The following REV3L variants were observed in gnomAD, a reference collection of about 807,000 sequenced individuals.
REV3L encodes DNA polymerase zeta catalytic subunit.
In REV3L, 69 loss-of-function variants were observed where a neutral mutation model predicts 299.4. The ratio of observed to expected loss-of-function variants is 0.23; its 90% CI spans 0.19 to 0.28. REV3L has a LOEUF of 0.28. REV3L is among the 10% of genes least tolerant of loss of function. The probability of loss-of-function intolerance (pLI) is 1.00; values close to 1 mark genes in which losing one functional copy is unlikely to be tolerated. For missense variants in REV3L, 3,128 were observed against 3,693.8 expected, an observed-to-expected ratio of 0.85 and a Z score of 3.97; for synonymous variants, 1,238 against 1,271.4, an observed-to-expected ratio of 0.97 and a Z score of 0.56.
At chr6:111,479,440 A>G (rs1454193639) in intron 1 of REV3L, among the ~76,000 whole-genome samples, 1 of 152,042 alleles carries the variant, frequency 6.6e-6, no homozygotes, top group Non-Finnish European at 1.5e-5. Context: ...CTTAGGAATC[A>G]ATATCCTCAG....
chr6:111,307,780 TAATATTA>T (rs1420181694), intron 30 of REV3L: 5 of 555,394 alleles, frequency 9.0e-6, no homozygotes, highest in Non-Finnish European at 1.6e-5. Flanking sequence ...ACTTACATCT[TAATATTA>T]TCAGATACAT....
At chr6:111,307,730 C>T (rs1244829940) in intron 30 of REV3L, 160 bp from the exon 31 acceptor site, 3 of 628,974 alleles carry the variant, frequency 4.8e-6, no homozygotes, top group African/African-American at 3.7e-5. Flanking sequence ...GTTCCAGACA[C>T]TGGAGCTACA....
At chr6:111,300,183 A>ATAAT (rs754585997) in intron 31 of REV3L, 27 bp from the exon 32 acceptor site, 14 of 1,428,286 alleles carry the variant, frequency 9.8e-6, no homozygotes, top group South Asian at 2.6e-5. Flanking sequence ...AATACAAAAA[A>ATAAT]TAATAGGAAA....
intron 11 of REV3L, among the ~76,000 whole-genome samples, chr6:111,379,157 C>A (rs1178546962): frequency 6.6e-6 from 1 of 152,190 alleles, no homozygotes; most frequent in Non-Finnish European, 1.5e-5. Flanking sequence ...CCTATTATTA[C>A]AGCAGTGACA....
chr6:111,340,885 T>G (rs1372537343), intron 21 of REV3L, among the ~76,000 whole-genome samples: 1 of 151,936 alleles, frequency 6.6e-6, no homozygotes, highest in African/African-American at 2.4e-5. Flanking sequence ...CTATTTTACT[T>G]GTCAAAAACA....
intron 31 of REV3L, among the ~76,000 whole-genome samples, chr6:111,303,105 G>A (rs1771767104): frequency 6.8e-6 from 1 of 146,038 alleles, no homozygotes; most frequent in African/African-American, 2.5e-5. Context: ...TTATAGCATT[G>A]TATTACATTC....
intron 1 of REV3L, among the ~76,000 whole-genome samples, chr6:111,429,886 G>C (rs17510520): frequency 0.056 from 8,518 of 152,176 alleles, 274 homozygotes; most frequent in Middle Eastern, 0.085. Context: ...ATGTAGAGAA[G>C]CCCTTGAAGC....
chr6:111,348,910 C>G (rs978942398), intron 20 of REV3L: 2 of 169,110 alleles, frequency 1.2e-5, no homozygotes, highest in African/African-American at 4.8e-5. Flanking sequence ...CTGCCTGGGC[C>G]TCCCAAAGTG....
At position 111,444,308 on chromosome 6, in the gene REV3L, A is replaced by G. The variant is rs17510513; in HGVS notation, c.140-27836T>C. On this transcript the variant is annotated intron_variant, in intron 1 of 31. Transcript: ENST00000368802. ...AATCAATCCAGATAGATTCAAATCC[A>G]AGTATATACAAAATATTTTTAAAGT... Among the ~76,000 whole-genome samples, 11 of 152,254 alleles carry G rather than the reference A, an allele frequency of 7.2e-5. No homozygotes were observed. In the East Asian group the frequency reaches 1.2e-3, roughly 16 times the overall value.
intron 25 of REV3L, among the ~76,000 whole-genome samples, chr6:111,327,307 C>T (rs894427465): frequency 3.2e-4 from 49 of 152,266 alleles, no homozygotes; most frequent in African/African-American, 1.2e-3. Flanking sequence ...TCGCTCACAC[C>T]TGTAATCCCT....
chr6:111,329,823 G>A (rs1220006041), intron 24 of REV3L, 85 bp from the exon 25 acceptor site: 2 of 1,012,882 alleles, frequency 2.0e-6, no homozygotes, highest in East Asian at 2.6e-5. Context: ...CATAATAATG[G>A]CCAACTGTCA....
chr6:111,436,395 T>G (rs1403406729), intron 1 of REV3L, among the ~76,000 whole-genome samples: 1 of 152,128 alleles, frequency 6.6e-6, no homozygotes, highest in African/African-American at 2.4e-5. Flanking sequence ...CATCAGTGGA[T>G]GAATGGATAA....
intron 5 of REV3L, among the ~76,000 whole-genome samples, chr6:111,391,973 C>T (rs932254000): frequency 6.6e-6 from 1 of 152,234 alleles, no homozygotes; most frequent in African/African-American, 2.4e-5. Flanking sequence ...TGGGCAACAG[C>T]GTGAGACCTT....
intron 25 of REV3L, among the ~76,000 whole-genome samples, chr6:111,323,737 A>G (rs1774446585): frequency 1.3e-5 from 2 of 152,224 alleles, no homozygotes; most frequent in Non-Finnish European, 2.9e-5. Context: ...AAAAATTGCC[A>G]TTCAACATAA....
At chr6:111,316,762 T>C (rs546455352) in intron 26 of REV3L, among the ~76,000 whole-genome samples, 10 of 151,262 alleles carry the variant, frequency 6.6e-5, no homozygotes, top group African/African-American at 2.4e-4. Context: ...CGGAAGAAAA[T>C]CAACATCTGT....
chr6:111,389,066 T>C lies in REV3L; in HGVS notation c.862+40A>G, dbSNP rs765175578. ...ATGACAAACTTTTCCATTAAAATAC[T>C]TGATTTAAAAGAATAATCAGAGCAC... On this transcript the variant is annotated intron_variant, in intron 7 of 31. Transcript: ENST00000368802. 2.8e-6 allele frequency: 4 copies of C among 1,432,160 alleles called. No homozygotes were observed. In the East Asian group the frequency reaches 9.2e-5, roughly 33 times the overall value. The allele number at this position is 1,432,160 out of a possible 1,614,324, so 88.7% of individuals were successfully genotyped here. A position where few individuals can be genotyped will look rare whatever the true frequency, so the allele number is the denominator to read the frequency against.
intron 26 of REV3L, among the ~76,000 whole-genome samples, chr6:111,319,975 A>G (rs1162958485): frequency 5.9e-5 from 9 of 151,670 alleles, no homozygotes; most frequent in Admixed American, 5.9e-4. Context: ...GATTATAGGC[A>G]TGCACCACCA....
intron 4 of REV3L, among the ~76,000 whole-genome samples, chr6:111,405,068 C>T (rs910364384): frequency 1.3e-5 from 2 of 151,336 alleles, no homozygotes; most frequent in South Asian, 2.1e-4. Flanking sequence ...GTATCATATA[C>T]TATTCCTAAA....
At chr6:111,332,439 T>C (rs1775496158) in intron 23 of REV3L, among the ~76,000 whole-genome samples, 1 of 152,182 alleles carries the variant, frequency 6.6e-6, no homozygotes, top group Non-Finnish European at 1.5e-5. Context: ...ATTTAAAGAA[T>C]AATTTAAACC....
Sources: gnomAD v4.1 joint callset for allele counts (sites outside exome capture counted in the v4.1 genomes callset) on GRCh38, gnomAD v4.1.1 for gene constraint, MANE v1.5 for transcripts, NCBI Gene and HGNC (gene_info 2026-07-23, HGNC 2026-07-21) for gene names.